The following FYN variants were observed in gnomAD, a reference collection of about 807,000 sequenced individuals.
The protein encoded by FYN is FYN proto-oncogene, Src family tyrosine kinase.
A neutral mutation model predicts 70.2 loss-of-function variants in FYN; 10 were observed. The ratio of observed to expected loss-of-function variants is 0.14; its 90% CI spans 0.09 to 0.24. The LOEUF (loss-of-function observed/expected upper bound fraction) is 0.24. FYN is among the 10% of genes least tolerant of loss of function. The pLI is 1.00. For missense variants in FYN, 319 were observed against 673.1 expected (o/e 0.47, Z 5.82); for synonymous variants, 236 against 248.6 (o/e 0.95, Z 0.48).
At chr6:111,853,500 A>G (rs561162295) in intron 1 of FYN, among the ~76,000 whole-genome samples, 1 of 152,178 alleles carries the variant, frequency 6.6e-6, no homozygotes, top group South Asian at 2.1e-4. Context: ...GTTGGGGACA[A>G]TCAGGCAAGA....
chr6:111,836,337 G>C (rs906211951), intron 2 of FYN, among the ~76,000 whole-genome samples: 16 of 152,282 alleles, frequency 1.1e-4, no homozygotes, highest in Non-Finnish European at 1.3e-4. Context: ...GATACTCATG[G>C]GTTAAACATC....
At chr6:111,848,257 CT>C (rs35355109) in intron 1 of FYN, among the ~76,000 whole-genome samples, 2 of 152,166 alleles carry the variant, frequency 1.3e-5, no homozygotes, top group African/African-American at 4.8e-5. Context: ...AGGTGGAAGA[CT>C]TTTTCATCAG....
intron 3 of FYN, among the ~76,000 whole-genome samples, chr6:111,746,429 ATTCT>A (rs1802221315): frequency 6.6e-6 from 1 of 152,178 alleles, no homozygotes; most frequent in Non-Finnish European, 1.5e-5. Context: ...TACAGTATGT[ATTCT>A]TTGTGTCTAC....
intron 3 of FYN, among the ~76,000 whole-genome samples, chr6:111,725,582 TG>T (rs1335430771): frequency 2.0e-5 from 3 of 152,306 alleles, no homozygotes; most frequent in Admixed American, 1.3e-4. Flanking sequence ...AAGTCACTGC[TG>T]GGTTGGCCCT....
At chr6:111,859,114 T>C (rs1773895503) in intron 1 of FYN, among the ~76,000 whole-genome samples, 1 of 152,142 alleles carries the variant, frequency 6.6e-6, no homozygotes, top group African/African-American at 2.4e-5. Flanking sequence ...CTTCCGTACC[T>C]GCTGTGCCCA....
intron 13 of FYN, among the ~76,000 whole-genome samples, chr6:111,669,548 T>C (rs922188933): frequency 6.6e-6 from 1 of 151,842 alleles, no homozygotes; most frequent in African/African-American, 2.4e-5. Context: ...CAGGACACTC[T>C]GCCTAGAATA....
At chr6:111,690,062 AT>A (rs1799246435) in intron 12 of FYN, among the ~76,000 whole-genome samples, 1 of 152,084 alleles carries the variant, frequency 6.6e-6, no homozygotes, top group South Asian at 2.1e-4. Context: ...TCTGCAGAGG[AT>A]TTTCCCACTG....
intron 1 of FYN, among the ~76,000 whole-genome samples, chr6:111,850,327 A>G (rs1056498915): frequency 1.3e-5 from 2 of 152,202 alleles, no homozygotes; most frequent in Non-Finnish European, 2.9e-5. Flanking sequence ...TACTACTTGC[A>G]AAAGATTTAA....
At chr6:111,845,268 G>A (rs1433851088) in intron 2 of FYN, among the ~76,000 whole-genome samples, 1 of 152,262 alleles carries the variant, frequency 6.6e-6, no homozygotes, top group East Asian at 1.9e-4. Context: ...CTGTGGACCT[G>A]GCCTAGTCCA....
At chr6:111,686,188 C>T (rs767524578) in intron 12 of FYN, among the ~76,000 whole-genome samples, 14 of 152,044 alleles carry the variant, frequency 9.2e-5, no homozygotes, top group Admixed American at 2.6e-4. Flanking sequence ...ATCTGGGCCC[C>T]GAAGCTCCAC....
At chr6:111,846,256 C>G (rs990433085) in intron 2 of FYN, among the ~76,000 whole-genome samples, 8 of 152,100 alleles carry the variant, frequency 5.3e-5, no homozygotes, top group African/African-American at 1.9e-4. Flanking sequence ...CCCATTCCTC[C>G]CCAGCCTGAA....
chr6:111,846,542 T>C, intron 2 of FYN, 47 bp downstream of exon 2: 1 of 398,984 alleles, frequency 2.5e-6, no homozygotes, highest in East Asian at 3.6e-5. Flanking sequence ...GGAAGCCCTT[T>C]ATAATTCACA....
At chr6:111,731,191 G>A (rs531667124) in intron 3 of FYN, among the ~76,000 whole-genome samples, 4 of 152,292 alleles carry the variant, frequency 2.6e-5, no homozygotes, top group East Asian at 3.9e-4. Flanking sequence ...GAGGTTCCTC[G>A]CCAGATGATT....
Position 111,759,329 on chromosome 6 carries a change from G to C in FYN, c.-12+21237C>G, listed in dbSNP as rs571602592. Reference sequence around the variant, plus strand: ...TTTCACTGGCACTTTTCCTGACAATGATTTTGTCAGCAATCTCTTCCTTCT... The same window carrying C: ...TTTCACTGGCACTTTTCCTGACAATCATTTTGTCAGCAATCTCTTCCTTCT... On this transcript the variant is annotated intron_variant, in intron 3 of 13. Coordinates refer to ENST00000354650, the MANE Select transcript of FYN (RefSeq NM_002037.5). 3.3e-5 allele frequency among the ~76,000 whole-genome samples: 5 copies of C among 152,270 alleles called. No individual in the cohort carries two copies. In the South Asian group the frequency reaches 1.0e-3, roughly 32 times the overall value.
intron 2 of FYN, among the ~76,000 whole-genome samples, chr6:111,813,147 A>G (rs1012636987): frequency 6.6e-6 from 1 of 152,218 alleles, no homozygotes; most frequent in African/African-American, 2.4e-5. Context: ...AATTTCTAAA[A>G]TACAAAGTTG....
At chr6:111,835,370 A>C (rs777824874) in intron 2 of FYN, among the ~76,000 whole-genome samples, 55 of 151,568 alleles carry the variant, frequency 3.6e-4, no homozygotes, top group Non-Finnish European at 7.5e-4. Flanking sequence ...TGAAATACTA[A>C]AGTGATACTA....
chr6:111,787,647 C>T (rs898275271), intron 2 of FYN, among the ~76,000 whole-genome samples: 2 of 152,236 alleles, frequency 1.3e-5, no homozygotes, highest in African/African-American at 4.8e-5. Flanking sequence ...TGTTGAGTGA[C>T]TGACTGAATA....
chr6:111,723,874 G>A (rs1178360480), intron 3 of FYN, among the ~76,000 whole-genome samples: 1 of 152,142 alleles, frequency 6.6e-6, no homozygotes, highest in African/African-American at 2.4e-5. Context: ...TGATGCCATC[G>A]TGAATGTGGA....
intron 3 of FYN, among the ~76,000 whole-genome samples, chr6:111,724,267 T>C (rs1171415827): frequency 6.6e-6 from 1 of 152,104 alleles, no homozygotes; most frequent in African/African-American, 2.4e-5. Context: ...GCTGCCATGC[T>C]ATGGGAGATA....
Sources: gnomAD v4.1 joint callset for allele counts (sites outside exome capture counted in the v4.1 genomes callset) on GRCh38, gnomAD v4.1.1 for gene constraint, MANE v1.5 for transcripts, NCBI Gene and HGNC (gene_info 2026-07-23, HGNC 2026-07-21) for gene names.